Variants in PITRM1 observed in about 807,000 individuals in gnomAD.
PITRM1 encodes pitrilysin metallopeptidase 1, also known as presequence protease, mitochondrial.
A neutral mutation model predicts 129.9 loss-of-function variants in PITRM1; 100 were observed. The ratio of observed to expected loss-of-function variants is 0.77; its 90% CI spans 0.65 to 0.91. PITRM1 has a LOEUF of 0.91. PITRM1 is among the 40% of genes least tolerant of loss of function. The pLI, the probability that PITRM1 is intolerant of heterozygous loss-of-function variation, is 0.00. For synonymous variants in PITRM1, 591 were observed against 508.8 expected, an observed-to-expected ratio of 1.16 and a Z score of -2.17; for missense variants, 1,471 against 1,318.3, an observed-to-expected ratio of 1.12 and a Z score of -1.79.
At chr10:3,165,577 A>G (rs1332884079) in intron 4 of PITRM1, 50 bp from the exon 5 acceptor site, 1 of 1,085,956 alleles carries the variant, frequency 9.2e-7, no homozygotes, top group African/African-American at 1.6e-5. Context: ...ATTTCTACTA[A>G]AATTATTGAC....
chr10:3,139,085 T>G (rs780013418), intron 24 of PITRM1, 36 bp from the exon 25 acceptor site: 2 of 1,596,416 alleles, frequency 1.3e-6, no homozygotes, highest in Non-Finnish European at 1.7e-6. Context: ...GCAAGCATTT[T>G]ACCAGTGGAC....
intron 24 of PITRM1, among the ~76,000 whole-genome samples, chr10:3,140,249 T>C (rs1041722635): frequency 1.3e-5 from 2 of 152,248 alleles, no homozygotes; most frequent in African/African-American, 4.8e-5. Context: ...AGACGGCTAC[T>C]GGGTGACCAA....
Position 3,138,886 on chromosome 10 carries a change from CT to C in PITRM1, c.2917+17del. The C allele has an allele frequency of 6.2e-7, 1 of 1,612,900 alleles. No individual in the cohort carries two copies. On this transcript the variant is annotated intron_variant, in intron 25 of 26. Coordinates refer to ENST00000224949, the MANE Select transcript of PITRM1 (RefSeq NM_014889.4). ...GTGAGGCTGTGGGTTGAGATTCTCA[CT>C]GTTATACTCAAAATACCTTTGTCTG...
chr10:3,163,081 ATATC>A (rs1842579529), intron 7 of PITRM1: 1 of 152,196 alleles, frequency 6.6e-6, no homozygotes, highest in South Asian at 2.1e-4. Context: ...AAGGGAAAGG[ATATC>A]TATTACATGA....
At chr10:3,168,877 A>C (rs1843102381) in intron 2 of PITRM1, among the ~76,000 whole-genome samples, 1 of 151,486 alleles carries the variant, frequency 6.6e-6, no homozygotes, top group Non-Finnish European at 1.5e-5. Flanking sequence ...GCTTGAACCC[A>C]GGAGTTTGAG....
In PITRM1 at chr10:3,138,019, C is replaced by G; in HGVS notation, c.*12G>C. 6.4e-7 allele frequency: 1 copy of G among 1,553,850 alleles called. No individual in the cohort carries two copies. The highest frequency in any genetic ancestry group is 8.8e-7 in the Non-Finnish European group (1 of 1,133,454). ...TGTCTCGGGCTCCTGTGCAGTCGAG[C>G]GCCACGGCTGCTCATTGGATGATCC... On this transcript the variant is annotated 3_prime_UTR_variant, in exon 27 of 27. Coordinates refer to ENST00000224949, the MANE Select transcript of PITRM1 (RefSeq NM_014889.4).
At chr10:3,164,831 T>C (rs1384338257) in intron 6 of PITRM1, among the ~76,000 whole-genome samples, 2 of 152,228 alleles carry the variant, frequency 1.3e-5, no homozygotes, top group Non-Finnish European at 2.9e-5. Flanking sequence ...TGCAAATCTC[T>C]GTAGCGTCTG....
In PITRM1 at chr10:3,168,573, T is replaced by C. The variant is rs988345389; in HGVS notation, c.159+1531A>G. ...GTGGGAGGGACCTGGTGGGAGGTAA[T>C]TGAATCAAGAGGGCGGTTTCCTCCA... On this transcript the variant is annotated intron_variant, in intron 2 of 26. Coordinates refer to ENST00000224949, the MANE Select transcript of PITRM1 (RefSeq NM_014889.4). Among the ~76,000 whole-genome samples the C allele has an allele frequency of 5.3e-4, 81 of 152,034 alleles. 1 individual carries two copies. Among genetic ancestry groups the C allele is most frequent in the African/African-American group, 1.9e-3 (79 of 41,366 alleles).
intron 14 of PITRM1, among the ~76,000 whole-genome samples, chr10:3,153,490 G>A (rs1404150649): frequency 6.6e-6 from 1 of 152,090 alleles, no homozygotes; most frequent in Non-Finnish European, 1.5e-5. Context: ...GTGGTGGTGG[G>A]CATCTGTAGT....
chr10:3,140,638 G>A, intron 24 of PITRM1, 49 bp downstream of exon 24: 1 of 1,527,694 alleles, frequency 6.5e-7, no homozygotes, highest in South Asian at 1.2e-5. Context: ...ATGAGTAGAA[G>A]ACTAAAACGA....
chr10:3,166,852 T>C (rs1842907349), intron 3 of PITRM1, 84 bp downstream of exon 3: 1 of 750,178 alleles, frequency 1.3e-6, no homozygotes, highest in Non-Finnish European at 2.2e-6. Flanking sequence ...CTTCTTCCAT[T>C]GTGGCACAGG....
chr10:3,160,126 T>C (rs1440713024), intron 8 of PITRM1, 78 bp downstream of exon 8: 1 of 1,463,332 alleles, frequency 6.8e-7, no homozygotes, highest in Non-Finnish European at 9.4e-7. Flanking sequence ...GCATCTGAAA[T>C]CCCATCATCA....
Position 3,138,088 on chromosome 10 carries a change from G to A in PITRM1, c.3057C>T (p.Ala1019=). 2 of 1,610,752 alleles carry A rather than the reference G, an allele frequency of 1.2e-6. No individual in the cohort carries two copies. Among genetic ancestry groups the A allele is most frequent in the Non-Finnish European group, 1.7e-6 (2 of 1,178,654 alleles). Residue 1019 remains alanine, a synonymous_variant, in exon 27 of 27, where the codon GCC becomes GCT. Transcript: ENST00000224949. ...LGTGKSTHGL[A]ILGPENPKIA... The stretch of plus-strand genomic sequence containing the variant: ...TTTTCGGGTTCTCGGGTCCGAGGAT[G>A]GCCAGGCCGTGTGTGCTCTTCCCAG...
chr10:3,149,669 G>A lies in PITRM1; in HGVS notation c.1823C>T (p.Pro608Leu). Reference sequence around the variant, plus strand: ...GGGCACATAGGGCCTCAGCTCCTCGGGGAGTGTGTTCAGGCTGGAGAAGGC... The same window carrying A: ...GGGCACATAGGGCCTCAGCTCCTCGAGGAGTGTGTTCAGGCTGGAGAAGGC... ...FRAFSSLNTL[P>L]EELRPYVPLF... The change falls in exon 16 of 27, where the codon CCC becomes CTC. Residue 608 changes from proline (P) to leucine (L), a missense_variant. Pro to Leu is a moderately conservative substitution (Grantham distance 98, BLOSUM62 -3). Coordinates refer to ENST00000224949, the MANE Select transcript of PITRM1 (RefSeq NM_014889.4). The A allele has an allele frequency of 1.2e-6, 2 of 1,605,652 alleles. No homozygotes were observed. Among genetic ancestry groups the A allele is most frequent in the Non-Finnish European group, 1.7e-6 (2 of 1,176,938 alleles).
intron 24 of PITRM1, 61 bp from the exon 25 acceptor site, chr10:3,139,110 C>T (rs1588619945): frequency 2.8e-6 from 4 of 1,447,850 alleles, no homozygotes; most frequent in African/African-American, 1.4e-5. Flanking sequence ...TTATGACAAA[C>T]CTCTGTCGAC....
intron 7 of PITRM1, among the ~76,000 whole-genome samples, chr10:3,162,199 A>G (rs991090575): frequency 6.7e-6 from 1 of 148,804 alleles, no homozygotes; most frequent in Non-Finnish European, 1.5e-5. Flanking sequence ...CTCTTCTGTC[A>G]CCATTAAAAG....
chr10:3,170,597 G>A (rs900413131), intron 1 of PITRM1, among the ~76,000 whole-genome samples: 6 of 152,116 alleles, frequency 3.9e-5, no homozygotes, highest in African/African-American at 7.2e-5. Context: ...CATGCCTACC[G>A]AATTGCTGAA....
rs908860233 is a variant in PITRM1 at position 3,172,669 on chromosome 10, C to T, written c.56+48G>A. 6 of 1,510,364 alleles carry T rather than the reference C, an allele frequency of 4.0e-6. No individual in the cohort carries two copies. In the African/African-American group the frequency reaches 5.6e-5, roughly 14 times the overall value. The allele number at this position is 1,510,364 out of a possible 1,614,324, so 93.6% of individuals were successfully genotyped here. On this transcript the variant is annotated intron_variant, in intron 1 of 26. Coordinates refer to ENST00000224949, the MANE Select transcript of PITRM1 (RefSeq NM_014889.4). ...CGCCTCCGGCCTGCCCTGGACCCTC[C>T]CCTCCCGGGTACCAGCGCGCCGAGC...
rs189338986 is a variant in PITRM1, at chr10:3,152,855, A to C, written c.1622-1492T>G. ...CATCCAGGGCTCCTTCTCTGAATGC[A>C]CTCACTCACAGTTGGTAGAAAAAGC... On this transcript the variant is annotated intron_variant, in intron 14 of 26. Transcript: ENST00000224949. Among the ~76,000 whole-genome samples, 6 of 152,270 alleles carry C rather than the reference A, an allele frequency of 3.9e-5. No homozygotes were observed. In the East Asian group the frequency reaches 1.2e-3, roughly 29 times the overall value.
Sources: gnomAD v4.1 joint callset for allele counts (sites outside exome capture counted in the v4.1 genomes callset) on GRCh38, gnomAD v4.1.1 for gene constraint, MANE v1.5 for transcripts, NCBI Gene and HGNC (gene_info 2026-07-23, HGNC 2026-07-21) for gene names.